The following STAT3 variants were observed in gnomAD, a reference collection of about 807,000 sequenced individuals.
The protein encoded by STAT3 is DNA-binding protein APRF.
In STAT3, 7 loss-of-function variants were observed where a neutral mutation model predicts 114.3. The observed-to-expected ratio is 0.06, with a 90% CI of 0.03 to 0.11. The LOEUF is 0.11. Among genes scored for constraint, STAT3 ranks in the 10% least tolerant of loss-of-function variants. The pLI is 1.00. For synonymous variants in STAT3, 331 were observed against 354.5 expected, an observed-to-expected ratio of 0.93 and a Z score of 0.74; for missense variants, 364 against 960.9, an observed-to-expected ratio of 0.38 and a Z score of 8.21.
intron 1 of STAT3, chr17:42,387,409 A>C (rs1425888881): frequency 6.6e-6 from 1 of 152,192 alleles, no homozygotes; most frequent in East Asian, 1.9e-4. Context: ...GCTCTGAGAC[A>C]GAAAACTCCC....
chr17:42,333,357 G>T lies in STAT3; in HGVS notation c.1049+316C>A, dbSNP rs765736243. On this transcript the variant is annotated intron_variant, in intron 10 of 23. Transcript: ENST00000264657. The surrounding 1 kb of genome is among the most constrained non-coding windows in gnomAD (Gnocchi z 5.2). ...TACTCTTTCCCTTAAAATCCACAGG[G>T]AAGAGTAGCCTCAAAGAACAGAAAA... Among the ~76,000 whole-genome samples, 1 of 152,062 alleles carries T rather than the reference G, an allele frequency of 6.6e-6. No homozygotes were observed. Among genetic ancestry groups the T allele is most frequent in the Non-Finnish European group, 1.5e-5 (1 of 68,012 alleles).
intron 1 of STAT3, among the ~76,000 whole-genome samples, chr17:42,380,896 GA>G (rs1279594182): frequency 1.3e-5 from 2 of 152,182 alleles, no homozygotes; most frequent in African/African-American, 4.8e-5. Context: ...CTAGGTGACA[GA>G]GTGAGAACCT....
chr17:42,323,395 C>T (rs2081564551), intron 18 of STAT3, 41 bp from the exon 19 acceptor site: 1 of 1,605,568 alleles, frequency 6.2e-7, no homozygotes, highest in African/African-American at 1.3e-5. Context: ...CTACTGCCAT[C>T]CCAGCCCTTC....
intron 1 of STAT3, among the ~76,000 whole-genome samples, chr17:42,379,319 TGA>T (rs1456385281): frequency 6.6e-6 from 1 of 151,976 alleles, no homozygotes; most frequent in Non-Finnish European, 1.5e-5. Flanking sequence ...GGAGATGGGG[TGA>T]GAGAACCTGT....
At chr17:42,330,051 G>C (rs935760455) in intron 11 of STAT3, among the ~76,000 whole-genome samples, 3 of 151,902 alleles carry the variant, frequency 2.0e-5, no homozygotes, top group African/African-American at 7.3e-5. Context: ...TTATTTTCCA[G>C]TGCATCCTCA....
chr17:42,328,181 C>T (rs985360050), intron 14 of STAT3, among the ~76,000 whole-genome samples: 2 of 152,044 alleles, frequency 1.3e-5, no homozygotes, highest in African/African-American at 4.8e-5. Flanking sequence ...AGCACTAATA[C>T]ACATAGCACT....
At chr17:42,338,677 T>C in intron 6 of STAT3, 54 bp downstream of exon 6, 1 of 1,541,654 alleles carries the variant, frequency 6.5e-7, no homozygotes, top group Non-Finnish European at 9.0e-7. Context: ...GTCTTTCAAC[T>C]CAACAACACA....
intron 13 of STAT3, 35 bp downstream of exon 13, chr17:42,329,519 G>A (rs2144770255): frequency 6.2e-7 from 1 of 1,614,154 alleles, no homozygotes; most frequent in Non-Finnish European, 8.5e-7. Context: ...CCGGCAGCCA[G>A]AGGCCCTTTG....
intron 1 of STAT3, among the ~76,000 whole-genome samples, chr17:42,357,904 T>C (rs1183191677): frequency 6.6e-6 from 1 of 152,198 alleles, no homozygotes; most frequent in Non-Finnish European, 1.5e-5. Context: ...AGTCTATATA[T>C]AAATCTAGTT....
At chr17:42,375,979 T>C (rs555621532) in intron 1 of STAT3, among the ~76,000 whole-genome samples, 1 of 151,804 alleles carries the variant, frequency 6.6e-6, no homozygotes, top group East Asian at 1.9e-4. Context: ...GGTAAAACCC[T>C]GTCTCTACTA....
chr17:42,316,965 A>T, intron 22 of STAT3, 64 bp from the exon 23 acceptor site: 1 of 1,574,690 alleles, frequency 6.4e-7, no homozygotes, highest in Non-Finnish European at 8.6e-7. Context: ...TGGAAAAAAA[A>T]AAAAGAACAA....
chr17:42,370,449 T>A (rs2084052564), intron 1 of STAT3, among the ~76,000 whole-genome samples: 2 of 151,638 alleles, frequency 1.3e-5, no homozygotes, highest in African/African-American at 4.9e-5. Flanking sequence ...TTTCACCATA[T>A]TGGCCAGGCT....
chr17:42,339,323 C>G lies in STAT3; in HGVS notation c.459G>C (p.Lys153Asn). 6.2e-7 allele frequency: 1 copy of G among 1,613,810 alleles called. No homozygotes were observed. The highest frequency in any genetic ancestry group is 8.5e-7 in the Non-Finnish European group (1 of 1,179,884). ...TTGTAACTTGCATCACCTGCACTCT[C>G]TTCCGGACATCCTGAAGGTGCTGCT... is the stretch of plus-strand genomic sequence containing the variant. ...MLEQHLQDVR[K>N]RVQDLEQKMK... is the part of the protein sequence containing the mutation. The change falls in exon 5 of 24, where the codon AAG becomes AAC. Residue 153 changes from lysine (K) to asparagine (N), a missense_variant. This residue lies in a region of STAT3 where 294 missense variants were observed against 745.1 expected (regional missense o/e 0.39). Transcript: ENST00000264657.
chr17:42,385,386 G>A (rs1027548561), intron 1 of STAT3, among the ~76,000 whole-genome samples: 2 of 151,524 alleles, frequency 1.3e-5, no homozygotes, highest in Non-Finnish European at 2.9e-5. Flanking sequence ...GCGGGCACCT[G>A]TAATCCCAGC....
intron 1 of STAT3, among the ~76,000 whole-genome samples, chr17:42,369,941 G>C (rs545497643): frequency 6.6e-6 from 1 of 151,872 alleles, no homozygotes; most frequent in African/African-American, 2.4e-5. Context: ...TTATACAGAT[G>C]TAAGTCACTG....
At chr17:42,315,862 C>T (rs930252278) in intron 23 of STAT3, 62 bp from the exon 24 acceptor site, 4 of 1,612,746 alleles carry the variant, frequency 2.5e-6, no homozygotes, top group Middle Eastern at 1.8e-4. Context: ...GCAGGCCACG[C>T]CCCCAGCCCT....
intron 1 of STAT3, among the ~76,000 whole-genome samples, chr17:42,371,851 C>T (rs559004240): frequency 6.6e-6 from 1 of 151,574 alleles, no homozygotes; most frequent in South Asian, 2.1e-4. Context: ...AACATGGTGG[C>T]GTGCACCTGT....
intron 21 of STAT3, among the ~76,000 whole-genome samples, chr17:42,318,777 C>A (rs1180219861): frequency 6.6e-6 from 1 of 152,146 alleles, no homozygotes; most frequent in Non-Finnish European, 1.5e-5. Context: ...TGCAGAGTGG[C>A]TCTTGGGCTG....
chr17:42,351,924 A>C (rs62075771), intron 1 of STAT3, among the ~76,000 whole-genome samples: 1 of 151,586 alleles, frequency 6.6e-6, no homozygotes, highest in Non-Finnish European at 1.5e-5. Flanking sequence ...ATGCCCAGCT[A>C]ATTTTTTTTT....
Sources: allele counts gnomAD v4.1 joint callset (sites outside exome capture counted in the v4.1 genomes callset), GRCh38; gene constraint gnomAD v4.1.1; regional missense constraint gnomAD v4.1.1; non-coding constraint Gnocchi (gnomAD v3.1); transcripts MANE v1.5; gene names NCBI Gene and HGNC (gene_info 2026-07-23, HGNC 2026-07-21).